SSBP2: variants seen among roughly 807,000 people sequenced by gnomAD.
SSBP2 encodes single stranded DNA binding protein 2, also known as single-stranded DNA-binding protein 2.
In SSBP2, 17 loss-of-function variants were observed where a neutral mutation model predicts 61.8. The observed-to-expected ratio is 0.28, with a 90% CI of 0.19 to 0.41. The LOEUF is 0.41. Ranked by LOEUF, SSBP2 falls within the 10% of genes least tolerant of loss-of-function variation. SSBP2 has a pLI of 1.00. For synonymous variants in SSBP2, 139 were observed against 141.3 expected (o/e 0.98, Z 0.12); for missense variants, 310 against 458.7 (o/e 0.68, Z 2.96).
At chr5:81,591,645 ACTGT>A (rs1427220433) in intron 4 of SSBP2, among the ~76,000 whole-genome samples, 4 of 152,198 alleles carry the variant, frequency 2.6e-5, no homozygotes, top group African/African-American at 9.6e-5. Flanking sequence ...AAAGATGAAG[ACTGT>A]CTTTGACAAA....
intron 3 of SSBP2, among the ~76,000 whole-genome samples, chr5:81,615,771 TA>T (rs927319758): frequency 9.9e-5 from 15 of 151,916 alleles, no homozygotes; most frequent in Non-Finnish European, 1.3e-4. Context: ...AAGACTTTTA[TA>T]AAAAAAAATT....
intron 4 of SSBP2, among the ~76,000 whole-genome samples, chr5:81,583,562 A>G (rs1047683537): frequency 9.9e-5 from 15 of 151,294 alleles, no homozygotes; most frequent in South Asian, 2.1e-4. Context: ...CCCGGGAGGC[A>G]GAGCTTGCAG....
At position 81,416,226 on chromosome 5, in the gene SSBP2, G is replaced by T. The variant is rs375451116; in HGVS notation, c.*4278C>A. The stretch of plus-strand genomic sequence containing the variant: ...GCAAGACTGTCTCAAAAAAAAAAAA[G>T]AAAAAAAAATTTAAAAAAAAGGAAA... On this transcript the variant is annotated 3_prime_UTR_variant, in exon 17 of 17. Transcript: ENST00000320672. 7 of 145,066 alleles carry T rather than the reference G, an allele frequency of 4.8e-5. No homozygotes were observed. The East Asian group carries it at 1.2e-3, about 24-fold the overall frequency. The allele number at this position is 145,066 out of a possible 1,614,324, so 9.0% of individuals were successfully genotyped here. A position where few individuals can be genotyped will look rare whatever the true frequency, so the allele number is the denominator to read the frequency against.
At chr5:81,590,000 T>C (rs1775374012) in intron 4 of SSBP2, among the ~76,000 whole-genome samples, 1 of 152,160 alleles carries the variant, frequency 6.6e-6, no homozygotes, top group Non-Finnish European at 1.5e-5. Flanking sequence ...CATTGAAGAT[T>C]AAGTTTCCAA....
chr5:81,702,417 G>A (rs1470911538), intron 1 of SSBP2, among the ~76,000 whole-genome samples: 1 of 152,004 alleles, frequency 6.6e-6, no homozygotes, highest in Non-Finnish European at 1.5e-5. Flanking sequence ...ATTTAGAAGA[G>A]GACAAAAGCT....
In SSBP2 at chr5:81,538,841, G is replaced by C. The variant is rs577206302; in HGVS notation, c.283-25124C>G. On this transcript the variant is annotated intron_variant, in intron 4 of 16. Transcript: ENST00000320672. ...GCCCACTGTTGAGACCTGCTACACG[G>C]AAGTCCTCTGCTGTTCATTGACAAT... Among the ~76,000 whole-genome samples the C allele has an allele frequency of 2.0e-5, 3 of 152,282 alleles. No individual in the cohort carries two copies. In the South Asian group the frequency reaches 6.2e-4, roughly 32 times the overall value.
intron 3 of SSBP2, among the ~76,000 whole-genome samples, chr5:81,627,018 A>G (rs1459070799): frequency 1.3e-5 from 2 of 152,248 alleles, no homozygotes; most frequent in African/African-American, 4.8e-5. Flanking sequence ...ACAGAGACAA[A>G]GAGATGACAT....
Position 81,442,124 on chromosome 5 carries a change from T to G in SSBP2, c.849+529A>C, listed in dbSNP as rs140935447. Among the ~76,000 whole-genome samples, 1,152 of 152,278 alleles carry G rather than the reference T, an allele frequency of 7.6e-3. 8 individuals carry two copies. Among genetic ancestry groups the G allele is most frequent in the African/African-American group, 0.026 (1,068 of 41,574 alleles). ...ATGTAGGCCTTATAGATAAATAAAATGTTTTCCTGTGAACTTCTGTGGAAA... is the reference window on the plus strand; with the variant it reads ...ATGTAGGCCTTATAGATAAATAAAAGGTTTTCCTGTGAACTTCTGTGGAAA... On this transcript the variant is annotated intron_variant, in intron 13 of 16. Coordinates refer to ENST00000320672, the MANE Select transcript of SSBP2 (RefSeq NM_012446.5).
At chr5:81,456,646 A>G (rs958396579) in intron 10 of SSBP2, among the ~76,000 whole-genome samples, 1 of 152,168 alleles carries the variant, frequency 6.6e-6, no homozygotes, top group African/African-American at 2.4e-5. Context: ...TAAACCTCTA[A>G]GTAAGAATCT....
At chr5:81,605,999 C>T (rs1007372923) in intron 4 of SSBP2, among the ~76,000 whole-genome samples, 4 of 152,022 alleles carry the variant, frequency 2.6e-5, no homozygotes, top group Admixed American at 6.6e-5. Flanking sequence ...CAGGTTGGTC[C>T]CTGAGGAAAG....
chr5:81,451,644 C>T (rs902764115), intron 10 of SSBP2, among the ~76,000 whole-genome samples: 1 of 152,212 alleles, frequency 6.6e-6, no homozygotes, highest in Non-Finnish European at 1.5e-5. Context: ...CCAGGCGGGT[C>T]TCGAACCCCT....
At chr5:81,484,347 T>C (rs901857178) in intron 6 of SSBP2, among the ~76,000 whole-genome samples, 8 of 152,122 alleles carry the variant, frequency 5.3e-5, no homozygotes, top group African/African-American at 1.9e-4. Context: ...CATAAAACTA[T>C]AACTTAAATT....
At chr5:81,558,596 C>T (rs1298508535) in intron 4 of SSBP2, among the ~76,000 whole-genome samples, 1 of 152,192 alleles carries the variant, frequency 6.6e-6, no homozygotes, top group Non-Finnish European at 1.5e-5. Flanking sequence ...TCATCAATGC[C>T]TCAAGATGAA....
At position 81,514,391 on chromosome 5, in the gene SSBP2, C is replaced by A. The variant is rs191969718; in HGVS notation, c.283-674G>T. On this transcript the variant is annotated intron_variant, in intron 4 of 16. Transcript: ENST00000320672. ...AGTCTACTTCACTTGCAAATTATTT[C>A]ATGGAATCCTGGTATTTCATAAAAT... Among the ~76,000 whole-genome samples the A allele has an allele frequency of 4.6e-3, 706 of 151,974 alleles. 7 individuals carry two copies. Among genetic ancestry groups the A allele is most frequent in the African/African-American group, 0.015 (630 of 41,474 alleles).
chr5:81,683,778 ACAAC>A (rs1329425310), intron 1 of SSBP2, among the ~76,000 whole-genome samples: 4 of 152,216 alleles, frequency 2.6e-5, no homozygotes, highest in Non-Finnish European at 5.9e-5. Context: ...AAGAAAATGA[ACAAC>A]CTGATTAAAA....
intron 4 of SSBP2, among the ~76,000 whole-genome samples, chr5:81,579,446 G>C (rs1774478499): frequency 6.6e-6 from 1 of 151,976 alleles, no homozygotes; most frequent in African/African-American, 2.4e-5. Context: ...TAGCAGAGTG[G>C]CTGCTCTAAG....
At chr5:81,748,637 C>T (rs1487518731) in intron 1 of SSBP2, among the ~76,000 whole-genome samples, 1 of 152,188 alleles carries the variant, frequency 6.6e-6, no homozygotes, top group African/African-American at 2.4e-5. Context: ...GGCCTCTTCA[C>T]CTATATTTAA....
At chr5:81,746,472 CAGAA>C (rs963564574) in intron 1 of SSBP2, among the ~76,000 whole-genome samples, 20 of 152,072 alleles carry the variant, frequency 1.3e-4, no homozygotes, top group Admixed American at 1.2e-3. Flanking sequence ...CTTATTCCTT[CAGAA>C]AGAAAGAAAG....
At chr5:81,677,904 C>T (rs446565) in intron 1 of SSBP2, among the ~76,000 whole-genome samples, 70,657 of 151,326 alleles carry the variant, frequency 0.47, 18,415 homozygotes, top group African/African-American at 0.69. Flanking sequence ...GTCCTTATCA[C>T]AGGACTATAA....
Sources: allele counts gnomAD v4.1 joint callset (sites outside exome capture counted in the v4.1 genomes callset), GRCh38; gene constraint gnomAD v4.1.1; transcripts MANE v1.5; gene names NCBI Gene and HGNC (gene_info 2026-07-23, HGNC 2026-07-21).